The following HEG1 variants were observed in gnomAD, a reference collection of about 807,000 sequenced individuals.
HEG1 encodes the protein protein HEG homolog 1.
HEG1 carries 56 observed loss-of-function variants against 125.6 expected under a neutral mutation model. The ratio of observed to expected loss-of-function variants is 0.45; its 90% confidence interval spans 0.36 to 0.56. HEG1 has a LOEUF of 0.56. Among genes scored for constraint, HEG1 ranks in the 20% least tolerant of loss-of-function variants. HEG1 has a pLI of 0.00. For synonymous variants in HEG1, 644 were observed against 668.5 expected (o/e 0.96, Z 0.57); for missense variants, 1,523 against 1,670.0 (o/e 0.91, Z 1.53).
At chr3:124,996,794 C>G (rs1165644378) in intron 12 of HEG1, among the ~76,000 whole-genome samples, 1 of 152,232 alleles carries the variant, frequency 6.6e-6, no homozygotes, top group Non-Finnish European at 1.5e-5. Flanking sequence ...CCATTGACAT[C>G]TGTCACCAGC....
At chr3:124,998,880 C>G (rs987949418) in intron 11 of HEG1, among the ~76,000 whole-genome samples, 1 of 152,148 alleles carries the variant, frequency 6.6e-6, no homozygotes, top group African/African-American at 2.4e-5. Context: ...GGGGGGCAAG[C>G]TCAAGTTCAG....
intron 14 of HEG1, among the ~76,000 whole-genome samples, chr3:124,989,722 C>T (rs965842450): frequency 6.6e-6 from 1 of 152,192 alleles, no homozygotes; most frequent in Non-Finnish European, 1.5e-5. Context: ...GTGTCTCTAG[C>T]ATGCCTGGTG....
chr3:125,047,449 A>T (rs980672015), intron 1 of HEG1, among the ~76,000 whole-genome samples: 3 of 152,098 alleles, frequency 2.0e-5, no homozygotes, highest in African/African-American at 7.2e-5. Context: ...AGGCTAAATA[A>T]CCTACCACAG....
chr3:124,972,235 T>C (rs1236293265), intron 16 of HEG1: 2 of 152,258 alleles, frequency 1.3e-5, no homozygotes, highest in Non-Finnish European at 2.9e-5. Flanking sequence ...TTGCTAGTTA[T>C]TGAACCGTGC....
At position 125,013,704 on chromosome 3, in the gene HEG1, C is replaced by T. The variant is rs373718985; in HGVS notation, c.1875G>A (p.Ser625=). The T allele has an allele frequency of 3.2e-4, 515 of 1,613,738 alleles. No individual in the cohort carries two copies. The highest frequency in any genetic ancestry group is 3.9e-4 in the Non-Finnish European group (457 of 1,179,868). The stretch of plus-strand genomic sequence containing the variant: ...GAAGGTTGGATGTATGCAGAACTGG[C>T]GACTCAGTAGAAGGCTGAGCATATT... ...DGEYAQPSTE[S]PVLHTSNLPS... The change falls in exon 6 of 17, where the codon TCG becomes TCA. Residue 625 remains serine (S), a synonymous_variant. Transcript: ENST00000311127.
intron 14 of HEG1, among the ~76,000 whole-genome samples, chr3:124,981,597 G>A (rs951744442): frequency 6.6e-6 from 1 of 152,192 alleles, no homozygotes; most frequent in Non-Finnish European, 1.5e-5. Flanking sequence ...CACTTCTAGA[G>A]GCTTCTACGG....
At position 125,029,368 on chromosome 3, in the gene HEG1, G is replaced by T. The variant is rs1937463874; in HGVS notation, c.437C>A (p.Thr146Asn). The T allele has an allele frequency of 1.2e-6, 2 of 1,613,728 alleles. No homozygotes were observed. The highest frequency in any genetic ancestry group is 8.5e-7 in the Non-Finnish European group (1 of 1,179,900). The change falls in exon 2 of 17, where the codon ACC (threonine) becomes AAC (asparagine). Residue 146 changes from threonine (T) to asparagine (N), a missense_variant. By Grantham distance (65) the Thr-to-Asn change is moderately conservative (BLOSUM62 0). Coordinates refer to ENST00000311127, the MANE Select transcript of HEG1 (RefSeq NM_020733.2). ...CGAAGCAGCATGGCTCTTCCCAGAG[G>T]TCTGAACCATCACGCCCTCTTTGGA... ...VSSKEGVMVQ[T>N]SGKSHAASDA... is the part of the protein sequence containing the mutation.
In HEG1 at chr3:124,987,964, T is replaced by C. The variant is rs991196988; in HGVS notation, c.3733+2823A>G. On this transcript the variant is annotated intron_variant, in intron 14 of 16. Coordinates refer to ENST00000311127, the MANE Select transcript of HEG1 (RefSeq NM_020733.2). The stretch of plus-strand genomic sequence containing the variant: ...ACACACACACACACATATATATATA[T>C]ATATATATATACCATGTAGTTCTAG... Among the ~76,000 whole-genome samples, 92 of 45,276 alleles carry C rather than the reference T, an allele frequency of 2.0e-3. 2 individuals are homozygous for C. The highest frequency in any genetic ancestry group is 4.6e-3 in the East Asian group (7 of 1,524). The allele number at this position is 45,276 out of a possible 152,430, so 29.7% of individuals were successfully genotyped here. A position where few individuals can be genotyped will look rare whatever the true frequency, so the allele number is the denominator to read the frequency against.
chr3:124,985,670 A>G (rs954773887), intron 14 of HEG1, among the ~76,000 whole-genome samples: 3 of 152,252 alleles, frequency 2.0e-5, no homozygotes, highest in African/African-American at 7.2e-5. Flanking sequence ...AAAAATTAAA[A>G]GGAGAGCTGT....
intron 5 of HEG1, among the ~76,000 whole-genome samples, chr3:125,014,419 AGATATTTCTTTC>A (rs543783722): frequency 7.0e-4 from 107 of 152,280 alleles, no homozygotes; most frequent in African/African-American, 2.2e-3. Context: ...CTATAGAATG[AGATATTTCTTTC>A]CCAGGAGATT....
Position 125,012,643 on chromosome 3 carries a change from GT to G in HEG1, c.2935del (p.Thr979GlnfsTer13). The G allele has an allele frequency of 6.2e-7, 1 of 1,613,584 alleles. No homozygotes were observed. The highest frequency in any genetic ancestry group is 1.1e-5 in the South Asian group (1 of 90,882). The part of the protein sequence containing the change: ...AVQSSTQSPT[T>X]VSSSASVNSC... ...TTTACCTGAGGCTGAAGAGGACACT[GT>G]TGTTGGTGACTGTGTGCTGCTCTGA... On this transcript the variant is annotated frameshift_variant, in exon 6 of 17. Transcript: ENST00000311127. LOFTEE classifies it high-confidence loss of function.
intron 12 of HEG1, among the ~76,000 whole-genome samples, chr3:124,992,787 GT>G (rs1368451525): frequency 6.6e-6 from 1 of 152,230 alleles, no homozygotes; most frequent in Non-Finnish European, 1.5e-5. Context: ...GTGGAATACA[GT>G]TTCAAAAACA....
In HEG1 at chr3:125,019,302, C is replaced by T. The variant is rs767010648; in HGVS notation, c.1548G>A (p.Ser516=). The change falls in exon 5 of 17, where the codon TCG becomes TCA. Residue 516 remains serine, a synonymous_variant. Transcript: ENST00000311127. ...SYSESSSTSS[S]ESLNSSAPRG... ...GTGGTGCTGATGAATTCAAGCTTTC[C>T]GAGGAAGATGTAGATGAAGACTCTG... The T allele has an allele frequency of 6.7e-5, 108 of 1,612,700 alleles. No individual in the cohort carries two copies. The highest frequency in any genetic ancestry group is 1.6e-4 in the Middle Eastern group (1 of 6,084).
At chr3:125,000,884 T>G (rs900920892) in intron 11 of HEG1, among the ~76,000 whole-genome samples, 2 of 152,226 alleles carry the variant, frequency 1.3e-5, no homozygotes, top group Admixed American at 1.3e-4. Flanking sequence ...GCCCTACTTG[T>G]GTAGTAAAAT....
At chr3:125,010,318 A>C in intron 7 of HEG1, 121 bp downstream of exon 7, 1 of 613,860 alleles carries the variant, frequency 1.6e-6, no homozygotes, top group East Asian at 2.8e-5. Flanking sequence ...GCTGACTCTC[A>C]AGTAAGCAGG....
At chr3:125,040,229 G>A (rs1443402077) in intron 1 of HEG1, among the ~76,000 whole-genome samples, 1 of 152,176 alleles carries the variant, frequency 6.6e-6, no homozygotes, top group African/African-American at 2.4e-5. Context: ...TTAGGAGAAA[G>A]GACAGGATAT....
intron 14 of HEG1, among the ~76,000 whole-genome samples, chr3:124,990,408 G>T (rs971082219): frequency 6.6e-6 from 1 of 151,306 alleles, no homozygotes; most frequent in South Asian, 2.1e-4. Flanking sequence ...GCGTGATCTT[G>T]GCTCACTGCA....
chr3:124,976,278 C>G (rs1936535501), intron 15 of HEG1, among the ~76,000 whole-genome samples: 1 of 152,234 alleles, frequency 6.6e-6, no homozygotes, highest in East Asian at 1.9e-4. Context: ...CCTCTGCCTC[C>G]CAGGTTCAAG....
intron 9 of HEG1, among the ~76,000 whole-genome samples, chr3:125,003,281 G>A (rs1017543893): frequency 2.0e-5 from 3 of 152,098 alleles, no homozygotes; most frequent in Non-Finnish European, 4.4e-5. Flanking sequence ...CATTGATACT[G>A]GGCAAAAAAT....
Sources: gnomAD v4.1 joint callset for allele counts (sites outside exome capture counted in the v4.1 genomes callset) on GRCh38, gnomAD v4.1.1 for gene constraint, MANE v1.5 for transcripts, NCBI Gene and HGNC (gene_info 2026-07-23, HGNC 2026-07-21) for gene names.